The following GNA15 variants were observed in gnomAD, a reference collection of about 807,000 sequenced individuals.
GNA15 encodes guanine nucleotide-binding protein subunit alpha-15.
In GNA15, 23 loss-of-function variants were observed where a neutral mutation model predicts 40.1. The observed-to-expected ratio is 0.57, with a 90% CI of 0.41 to 0.81. The LOEUF (loss-of-function observed/expected upper bound fraction) is 0.81. Among genes scored for constraint, GNA15 ranks in the 40% least tolerant of loss-of-function variants. The pLI is 0.00. For missense variants in GNA15, 522 were observed against 515.8 expected (o/e 1.01, Z -0.12); for synonymous variants, 226 against 210.4 (o/e 1.07, Z -0.64).
chr19:3,153,927 G>A (rs1424634257), intron 4 of GNA15, among the ~76,000 whole-genome samples: 3 of 151,632 alleles, frequency 2.0e-5, no homozygotes, highest in Admixed American at 1.3e-4. Flanking sequence ...ATGGGTGGAC[G>A]AGTGAGTGGA....
intron 6 of GNA15, among the ~76,000 whole-genome samples, chr19:3,158,297 G>A (rs959520387): frequency 4.0e-5 from 6 of 151,866 alleles, no homozygotes; most frequent in South Asian, 2.1e-4. Context: ...CTACAGGTGC[G>A]CGCCACCACG....
intron 1 of GNA15, among the ~76,000 whole-genome samples, chr19:3,138,779 C>T (rs1243752417): frequency 6.7e-6 from 1 of 148,282 alleles, no homozygotes; most frequent in Non-Finnish European, 1.5e-5. Flanking sequence ...TATAGGCACG[C>T]GCCACCACGC....
intron 1 of GNA15, chr19:3,141,769 G>C (rs560101687): frequency 6.5e-6 from 1 of 153,046 alleles, no homozygotes; most frequent in Non-Finnish European, 1.5e-5. Flanking sequence ...GAGGCAGAGC[G>C]ACTTGCCCAA....
At chr19:3,137,637 C>T (rs1914485517) in intron 1 of GNA15, among the ~76,000 whole-genome samples, 1 of 152,110 alleles carries the variant, frequency 6.6e-6, no homozygotes, top group South Asian at 2.1e-4. Flanking sequence ...CAAAAATTAG[C>T]CAGATGTGGT....
chr19:3,153,754 G>A (rs111174144), intron 4 of GNA15, among the ~76,000 whole-genome samples: 23,182 of 151,052 alleles, frequency 0.15, 2,133 homozygotes, highest in Non-Finnish European at 0.21. Flanking sequence ...ATGGATGGGT[G>A]GATGAGTGGA....
Position 3,144,591 on chromosome 19 carries a change from T to A in GNA15, c.146-4000T>A, listed in dbSNP as rs182433422. Among the ~76,000 whole-genome samples, 25 of 152,056 alleles carry A rather than the reference T, an allele frequency of 1.6e-4. No individual in the cohort carries two copies. The East Asian group carries it at 4.1e-3, about 25-fold the overall frequency. ...TCACCCAGGCTGGAGTGCAGTGGCA[T>A]GATCTCGGCTCATTGCAAGCTCCGC... On this transcript the variant is annotated intron_variant, in intron 1 of 6. Coordinates refer to ENST00000262958, the MANE Select transcript of GNA15 (RefSeq NM_002068.4).
chr19:3,146,640 C>G (rs1914727724), intron 1 of GNA15: 1 of 152,686 alleles, frequency 6.5e-6, no homozygotes, highest in African/African-American at 2.4e-5. Flanking sequence ...GTCCTCTCCT[C>G]TCCAGCTCCA....
chr19:3,147,887 CAAAAAAAAA>C (rs369228868), intron 1 of GNA15, among the ~76,000 whole-genome samples: 2 of 107,540 alleles, frequency 1.9e-5, no homozygotes, highest in East Asian at 5.5e-4. Flanking sequence ...GACTCCATCT[CAAAAAAAAA>C]AAAAAAAAGA....
intron 4 of GNA15, among the ~76,000 whole-genome samples, chr19:3,154,588 A>G (rs1300908259): frequency 6.8e-6 from 1 of 147,834 alleles, no homozygotes; most frequent in Non-Finnish European, 1.5e-5. Flanking sequence ...GGATGGATGG[A>G]TAGATGGGTA....
intron 5 of GNA15, among the ~76,000 whole-genome samples, 162 bp downstream of exon 5, chr19:3,156,114 G>A (rs943072737): frequency 6.6e-6 from 1 of 151,514 alleles, no homozygotes; most frequent in Admixed American, 6.6e-5. Flanking sequence ...TGGTCAGATT[G>A]CAGCAACCCA....
intron 6 of GNA15, 90 bp downstream of exon 6, chr19:3,157,971 T>A: frequency 9.5e-7 from 1 of 1,048,996 alleles, no homozygotes; most frequent in Non-Finnish European, 1.5e-6. Context: ...CAGCCTGGAG[T>A]CACCGGAACT....
rs1354349674 is a variant in GNA15 at position 3,136,342 on chromosome 19, C to A, written c.-109C>A. On this transcript the variant is annotated 5_prime_UTR_variant, in exon 1 of 7. Transcript: ENST00000262958. The surrounding 1 kb of genome is among the most constrained non-coding windows in gnomAD (Gnocchi z 4.9). ...CCCCAAGGAAAAGGCAGCCTCCCTG[C>A]GCACCCGGTTGCCCGGAGCCCTCTC... 1 of 1,137,164 alleles carries A rather than the reference C, an allele frequency of 8.8e-7. No individual in the cohort carries two copies. Among genetic ancestry groups the A allele is most frequent in the Non-Finnish European group, 1.2e-6 (1 of 822,232 alleles). 70.4% of individuals were successfully genotyped at this position (1,137,164 alleles called of 1,614,324 possible).
chr19:3,140,137 G>A lies in GNA15; in HGVS notation c.145+3542G>A, dbSNP rs181981532. ...ATGTCACATTATGACGTATCATATC[G>A]ATATGTCTTATTATTTTAAATAAAT... is the stretch of plus-strand genomic sequence containing the variant. On this transcript the variant is annotated intron_variant, in intron 1 of 6. Transcript: ENST00000262958. Among the ~76,000 whole-genome samples the A allele has an allele frequency of 1.6e-3, 232 of 149,564 alleles. 5 individuals carry two copies. The highest frequency in any genetic ancestry group is 0.013 in the Admixed American group (192 of 15,004).
rs1914461790 is a variant in GNA15, at chr19:3,136,511, G to A, written c.61G>A (p.Ala21Thr). Residue 21 changes from alanine to threonine, a missense_variant, in exon 1 of 7, where the codon GCC becomes ACC. Ala to Thr is a moderately conservative substitution (Grantham distance 58). Transcript: ENST00000262958. The surrounding 1 kb of genome is among the most constrained non-coding windows in gnomAD (Gnocchi z 4.9). ...GTGCCTGACGGAGGATGAGAAGGCCGCCGCCCGGGTGGACCAGGAGATCAA... is the reference window on the plus strand; with the variant it reads ...GTGCCTGACGGAGGATGAGAAGGCCACCGCCCGGGTGGACCAGGAGATCAA... ...PWCLTEDEKA[A>T]ARVDQEINRI... 2 of 1,563,182 alleles carry A rather than the reference G, an allele frequency of 1.3e-6. No individual in the cohort carries two copies. The highest frequency in any genetic ancestry group is 1.4e-5 in the African/African-American group (1 of 73,900).
chr19:3,147,640 C>T (rs987339742), intron 1 of GNA15, among the ~76,000 whole-genome samples: 5 of 151,664 alleles, frequency 3.3e-5, no homozygotes, highest in Non-Finnish European at 7.4e-5. Context: ...GGCGCGGTGG[C>T]TCACGCTTGT....
rs1372243091 is a variant in GNA15 at position 3,163,416 on chromosome 19, G to A, written c.*397G>A. The A allele has an allele frequency of 1.1e-5, 3 of 268,734 alleles. No individual in the cohort carries two copies. The East Asian group carries it at 2.8e-4, about 25-fold the overall frequency. 16.6% of individuals were successfully genotyped at this position (268,734 alleles called of 1,614,324 possible). A position where few individuals can be genotyped will look rare whatever the true frequency, so the allele number is the denominator to read the frequency against. ...TGGGTGACGCACACCCTGGGATGGG[G>A]CTAGTAGAGCCTTCAGGCGCCTTCG... On this transcript the variant is annotated 3_prime_UTR_variant, in exon 7 of 7. Transcript: ENST00000262958.
At chr19:3,157,040 C>G (rs1389283980) in intron 5 of GNA15, among the ~76,000 whole-genome samples, 1 of 151,912 alleles carries the variant, frequency 6.6e-6, no homozygotes, top group Non-Finnish European at 1.5e-5. Context: ...TTTTGTCGCC[C>G]AGGTTAGAGT....
intron 6 of GNA15, among the ~76,000 whole-genome samples, chr19:3,162,196 T>TG (rs775236628): frequency 2.0e-5 from 3 of 151,600 alleles, no homozygotes; most frequent in South Asian, 2.1e-4. Context: ...CCCAGCGCTT[T>TG]GGGGGGGTCA....
At chr19:3,161,181 C>T (rs756437921) in intron 6 of GNA15, among the ~76,000 whole-genome samples, 3 of 152,106 alleles carry the variant, frequency 2.0e-5, no homozygotes, top group Non-Finnish European at 4.4e-5. Context: ...TGGGCCCAAC[C>T]ACACATCTGT....
Sources: gnomAD v4.1 joint callset for allele counts (sites outside exome capture counted in the v4.1 genomes callset) on GRCh38, gnomAD v4.1.1 for gene constraint, Gnocchi (gnomAD v3.1) non-coding constraint, MANE v1.5 for transcripts, NCBI Gene and HGNC (gene_info 2026-07-23, HGNC 2026-07-21) for gene names.